ZDHHC2: variants seen among roughly 807,000 people sequenced by gnomAD.
ZDHHC2 encodes the protein zDHHC palmitoyltransferase 2.
In ZDHHC2, 51 loss-of-function variants were observed where a neutral mutation model predicts 55.6. That is an observed-to-expected ratio of 0.92 (90% CI 0.73 to 1.16). The LOEUF is 1.16. ZDHHC2 is among the 50% of genes most tolerant of loss of function. ZDHHC2 has a pLI of 0.00. For missense variants in ZDHHC2, 491 were observed against 442.4 expected (o/e 1.11, Z -0.99); for synonymous variants, 199 against 152.9 (o/e 1.30, Z -2.22).
At chr8:17,160,700 A>T (rs1804296743) in intron 1 of ZDHHC2, among the ~76,000 whole-genome samples, 1 of 152,220 alleles carries the variant, frequency 6.6e-6, no homozygotes, top group South Asian at 2.1e-4. Flanking sequence ...ATAAGCCAAC[A>T]GTCTTTACAC....
At chr8:17,179,657 C>T (rs969975150) in intron 1 of ZDHHC2, among the ~76,000 whole-genome samples, 91 of 152,230 alleles carry the variant, frequency 6.0e-4, no homozygotes, top group Admixed American at 6.0e-3. Flanking sequence ...GTGATCCTCC[C>T]ACTTTGGCCT....
At chr8:17,174,779 C>T (rs375982804) in intron 1 of ZDHHC2, among the ~76,000 whole-genome samples, 2 of 143,204 alleles carry the variant, frequency 1.4e-5, no homozygotes, top group African/African-American at 5.2e-5. Flanking sequence ...GGCACTATCT[C>T]AGCTCACTGC....
rs1160079411 is a variant in ZDHHC2, at chr8:17,223,588, T to A, written c.*3367T>A. ...CTATGTTACATACCTGAAGTATTAC[T>A]CTTTTACAAAGATACCATTAGAATT... is the stretch of plus-strand genomic sequence containing the variant. On this transcript the variant is annotated 3_prime_UTR_variant, in exon 13 of 13. Transcript: ENST00000262096. The A allele has an allele frequency of 2.0e-5, 3 of 151,892 alleles. No individual in the cohort carries two copies. Among genetic ancestry groups the A allele is most frequent in the African/African-American group, 7.2e-5 (3 of 41,442 alleles). 9.4% of individuals were successfully genotyped at this position (151,892 alleles called of 1,614,324 possible). A position where few individuals can be genotyped will look rare whatever the true frequency, so the allele number is the denominator to read the frequency against.
At chr8:17,173,253 T>G (rs150849925) in intron 1 of ZDHHC2, among the ~76,000 whole-genome samples, 15 of 152,222 alleles carry the variant, frequency 9.9e-5, no homozygotes, top group Non-Finnish European at 1.3e-4. Context: ...GGCCTATATG[T>G]AGATCCCATC....
At chr8:17,217,460 A>G (rs2150951647) in intron 12 of ZDHHC2, among the ~76,000 whole-genome samples, 1 of 152,288 alleles carries the variant, frequency 6.6e-6, no homozygotes, top group East Asian at 1.9e-4. Context: ...GATTAATTAT[A>G]TAAATAAGTT....
At chr8:17,194,521 C>G (rs924404037) in intron 3 of ZDHHC2, among the ~76,000 whole-genome samples, 3 of 151,678 alleles carry the variant, frequency 2.0e-5, no homozygotes, top group African/African-American at 4.8e-5. Context: ...TAACAACTAT[C>G]CTGCGTTTCT....
At chr8:17,181,156 A>G (rs1481803472) in intron 1 of ZDHHC2, among the ~76,000 whole-genome samples, 1 of 152,232 alleles carries the variant, frequency 6.6e-6, no homozygotes, top group Non-Finnish European at 1.5e-5. Flanking sequence ...CCCACAAAAG[A>G]AAAATGAATA....
intron 10 of ZDHHC2, among the ~76,000 whole-genome samples, chr8:17,213,475 C>T (rs1807489006): frequency 6.6e-6 from 1 of 152,048 alleles, no homozygotes; most frequent in Non-Finnish European, 1.5e-5. Flanking sequence ...TGGTCTCGAA[C>T]TTCCTGACCT....
chr8:17,159,683 T>C (rs984298313), intron 1 of ZDHHC2, among the ~76,000 whole-genome samples: 5 of 152,242 alleles, frequency 3.3e-5, no homozygotes, highest in African/African-American at 1.2e-4. Context: ...ATGTAAAATA[T>C]ATGGGATGTA....
chr8:17,201,913 A>G lies in ZDHHC2; in HGVS notation c.476+3500A>G, dbSNP rs143238759. Among the ~76,000 whole-genome samples the G allele has an allele frequency of 3.3e-3, 502 of 152,182 alleles. 4 individuals are homozygous for G. The highest frequency in any genetic ancestry group is 5.1e-3 in the Non-Finnish European group (350 of 68,014). ...CTCTCTATTTGTCAGTGATTTCTCA[A>G]TCTCTGCTCTGGCCACTTAAGATTA... On this transcript the variant is annotated intron_variant, in intron 6 of 12. Coordinates refer to ENST00000262096, the MANE Select transcript of ZDHHC2 (RefSeq NM_016353.5).
chr8:17,166,738 C>T (rs1804617977), intron 1 of ZDHHC2, among the ~76,000 whole-genome samples: 1 of 152,012 alleles, frequency 6.6e-6, no homozygotes, highest in African/African-American at 2.4e-5. Context: ...GTCCTGAAAC[C>T]TGGGGAGGAA....
rs999739627 is a variant in ZDHHC2 at position 17,217,262 on chromosome 8, C to G, written c.*34+16C>G. 2.6e-6 allele frequency: 4 copies of G among 1,543,020 alleles called. No homozygotes were observed. In the African/African-American group the frequency reaches 4.2e-5, roughly 16 times the overall value. ...CTTTATAAAAGTACGATAATTTTCC[C>G]TTTATTGTTTTATATTTTTAACAGT... On this transcript the variant is annotated intron_variant, in intron 12 of 12. Coordinates refer to ENST00000262096, the MANE Select transcript of ZDHHC2 (RefSeq NM_016353.5).
chr8:17,184,550 A>G (rs1026691838), intron 1 of ZDHHC2, among the ~76,000 whole-genome samples: 2 of 152,246 alleles, frequency 1.3e-5, no homozygotes. Flanking sequence ...TTTGTTCCGC[A>G]GGACAGGAGC....
intron 6 of ZDHHC2, among the ~76,000 whole-genome samples, chr8:17,200,363 T>C (rs1806690195): frequency 6.6e-6 from 1 of 152,262 alleles, no homozygotes; most frequent in African/African-American, 2.4e-5. Flanking sequence ...TTATCCTTCC[T>C]GTCTCAAATG....
intron 4 of ZDHHC2, 34 bp downstream of exon 4, chr8:17,195,658 T>A: frequency 1.9e-6 from 3 of 1,612,212 alleles, no homozygotes; most frequent in Non-Finnish European, 2.5e-6. Flanking sequence ...TGCAATGGTA[T>A]GCAAATAACA....
rs1804049504 is a variant in ZDHHC2 at position 17,156,496 on chromosome 8, C to G, written c.-228C>G. ...CGCCCCCCTCCGCCTCCTCGGCCTC[C>G]GCTCGCAGCCGCCGCCTCCGCCTCC... On this transcript the variant is annotated 5_prime_UTR_variant, in exon 1 of 13. Coordinates refer to ENST00000262096, the MANE Select transcript of ZDHHC2 (RefSeq NM_016353.5). 1.8e-5 allele frequency: 3 copies of G among 165,780 alleles called. No homozygotes were observed. Among genetic ancestry groups the G allele is most frequent in the South Asian group, 1.7e-4 (1 of 5,780 alleles). The allele number at this position is 165,780 out of a possible 1,614,324, so 10.3% of individuals were successfully genotyped here.
In ZDHHC2 at chr8:17,199,589, TTTC is replaced by T. The variant is rs1384114482; in HGVS notation, c.476+1185_476+1187del. 1.7e-4 allele frequency among the ~76,000 whole-genome samples: 8 copies of T among 45,980 alleles called. 1 individual carries two copies. Among genetic ancestry groups the T allele is most frequent in the Non-Finnish European group, 3.5e-4 (4 of 11,562 alleles). 30.2% of individuals were successfully genotyped at this position (45,980 alleles called of 152,430 possible). ...CTTCGTCTTTGTCTTCTTCTTCTTC[TTTC>T]TTCTTCTTTATTCTTTCTTCTTCTT... is the stretch of plus-strand genomic sequence containing the variant. On this transcript the variant is annotated intron_variant, in intron 6 of 12. Coordinates refer to ENST00000262096, the MANE Select transcript of ZDHHC2 (RefSeq NM_016353.5).
intron 1 of ZDHHC2, among the ~76,000 whole-genome samples, chr8:17,176,844 A>C (rs563798013): frequency 6.6e-6 from 1 of 152,168 alleles, no homozygotes; most frequent in Non-Finnish European, 1.5e-5. Context: ...GTTTGACTTA[A>C]AGTATAATAA....
At chr8:17,172,739 G>A (rs115022301) in intron 1 of ZDHHC2, among the ~76,000 whole-genome samples, 1,657 of 152,236 alleles carry the variant, frequency 0.011, 31 homozygotes, top group African/African-American at 0.038. Context: ...ATGTGTTTTA[G>A]GAGTGTGCCT....
Sources: allele counts gnomAD v4.1 joint callset (sites outside exome capture counted in the v4.1 genomes callset), GRCh38; gene constraint gnomAD v4.1.1; transcripts MANE v1.5; gene names NCBI Gene and HGNC (gene_info 2026-07-23, HGNC 2026-07-21).